Variants in SLC14A2 observed in about 807,000 individuals in gnomAD.
SLC14A2 encodes urea transporter 2.
In SLC14A2, 91 loss-of-function variants were observed where a neutral mutation model predicts 104.6. The observed-to-expected ratio is 0.87, with a 90% CI of 0.73 to 1.04. SLC14A2 has a LOEUF of 1.04. Among genes scored for constraint, SLC14A2 ranks in the 50% least tolerant of loss-of-function variants. The pLI, the probability that SLC14A2 is intolerant of heterozygous loss-of-function variation, is 0.00. For synonymous variants in SLC14A2, 476 were observed against 466.4 expected (o/e 1.02, Z -0.27); for missense variants, 1,189 against 1,156.0 (o/e 1.03, Z -0.41).
the SLC14A2 span, among the ~76,000 whole-genome samples, chr18:45,177,870 T>C: frequency 6.6e-6 from 1 of 152,172 alleles, no homozygotes; most frequent in East Asian, 1.9e-4. Context: ...TAAGCCGAAG[T>C]AAAGATTTTT....
chr18:45,646,349 A>G (rs2045627010), intron 10 of SLC14A2: 1 of 152,152 alleles, frequency 6.6e-6, no homozygotes, highest in African/African-American at 2.4e-5. Flanking sequence ...AAACCTCTAT[A>G]ATATTAGGAT....
In SLC14A2 at chr18:45,332,806, AT is replaced by A. The variant is rs1206522159; in HGVS notation, c.-125+119617del. ...GATTGAAATAAAAGTGCTGGCAACC[AT>A]TGGGGTGACACAATTTTGTACAAGG... is the stretch of plus-strand genomic sequence containing the variant. On this transcript the variant is annotated intron_variant, in intron 1 of 20. Coordinates refer to the SLC14A2 transcript ENST00000586448. Among the ~76,000 whole-genome samples the A allele has an allele frequency of 3.9e-5, 6 of 152,320 alleles. No individual in the cohort carries two copies. The South Asian group carries it at 1.0e-3, about 26-fold the overall frequency.
At chr18:45,479,244 C>G (rs2087446937) in intron 1 of SLC14A2, among the ~76,000 whole-genome samples, 2 of 152,242 alleles carry the variant, frequency 1.3e-5, no homozygotes. Context: ...TCCCAATTTT[C>G]CTCCCCTAAA....
intron 10 of SLC14A2, among the ~76,000 whole-genome samples, chr18:45,660,154 G>A (rs960823297): frequency 1.3e-5 from 2 of 151,966 alleles, no homozygotes; most frequent in Admixed American, 1.3e-4. Flanking sequence ...AAAATGCATA[G>A]GATAATTATC....
At chr18:45,385,068 G>A (rs1024925420) in intron 1 of SLC14A2, among the ~76,000 whole-genome samples, 4 of 152,238 alleles carry the variant, frequency 2.6e-5, no homozygotes, top group Non-Finnish European at 5.9e-5. Context: ...CCTCCTCAGA[G>A]ATGAAAAGGG....
At chr18:45,251,270 A>G (rs1052417820) in intron 1 of SLC14A2, among the ~76,000 whole-genome samples, 6 of 152,214 alleles carry the variant, frequency 3.9e-5, no homozygotes, top group African/African-American at 2.4e-5. Context: ...GAGTGAGAAC[A>G]TACTATGTTT....
At chr18:45,208,090 T>C (rs1368405049), upstream of SLC14A2, among the ~76,000 whole-genome samples, 1 of 152,138 alleles carries the variant, frequency 6.6e-6, no homozygotes, top group Non-Finnish European at 1.5e-5. Context: ...CCATTGAGGC[T>C]TCTGCAGTTA....
chr18:45,354,402 G>C (rs1317013447), intron 1 of SLC14A2, among the ~76,000 whole-genome samples: 2 of 152,194 alleles, frequency 1.3e-5, no homozygotes, highest in Non-Finnish European at 2.9e-5. Context: ...AGCAGGGGTG[G>C]CTGTGACCCA....
At chr18:45,178,534 T>G in the SLC14A2 span, among the ~76,000 whole-genome samples, 1 of 151,900 alleles carries the variant, frequency 6.6e-6, no homozygotes, top group Non-Finnish European at 1.5e-5. Flanking sequence ...TACCTCTGAG[T>G]AGAAAAAATA....
At chr18:45,531,688 G>T (rs1428222878) in intron 2 of SLC14A2, among the ~76,000 whole-genome samples, 1 of 152,140 alleles carries the variant, frequency 6.6e-6, no homozygotes, top group Non-Finnish European at 1.5e-5. Flanking sequence ...TTGCTGTACA[G>T]AAGCTCTTTA....
chr18:45,334,056 T>G (rs144839694), intron 1 of SLC14A2, among the ~76,000 whole-genome samples: 1 of 152,222 alleles, frequency 6.6e-6, no homozygotes, highest in Non-Finnish European at 1.5e-5. Context: ...ATTTCTGGCA[T>G]CCTATTTGTT....
chr18:45,413,125 G>C (rs1224658208), intron 1 of SLC14A2, among the ~76,000 whole-genome samples: 1 of 152,160 alleles, frequency 6.6e-6, no homozygotes, highest in South Asian at 2.1e-4. Flanking sequence ...AGAAGCTTAT[G>C]GTCCAGGAGG....
chr18:45,291,780 C>T (rs994153478), intron 1 of SLC14A2, among the ~76,000 whole-genome samples: 6 of 150,972 alleles, frequency 4.0e-5, no homozygotes, highest in South Asian at 2.1e-4. Context: ...GTCACGGTGA[C>T]GAATCAATCG....
At chr18:45,273,560 G>C (rs563913941) in intron 1 of SLC14A2, among the ~76,000 whole-genome samples, 1 of 152,072 alleles carries the variant, frequency 6.6e-6, no homozygotes, top group Admixed American at 6.6e-5. Context: ...CTCTAGACTT[G>C]ACTTTTTTCT....
intron 1 of SLC14A2, among the ~76,000 whole-genome samples, chr18:45,258,550 T>G (rs1281101479): frequency 1.4e-5 from 2 of 143,554 alleles, no homozygotes; most frequent in African/African-American, 5.5e-5. Context: ...GGTACTTTTG[T>G]CTTCTCAACT....
intron 2 of SLC14A2, among the ~76,000 whole-genome samples, chr18:45,510,988 A>T (rs991826656): frequency 6.6e-6 from 1 of 152,212 alleles, no homozygotes; most frequent in Non-Finnish European, 1.5e-5. Flanking sequence ...AATCCAAGAG[A>T]GTCCTCTGCA....
intron 1 of SLC14A2, among the ~76,000 whole-genome samples, chr18:45,337,671 A>G (rs1453469916): frequency 6.6e-6 from 1 of 152,214 alleles, no homozygotes; most frequent in South Asian, 2.1e-4. Flanking sequence ...CATGATCTCT[A>G]TAAATAAAAT....
intron 2 of SLC14A2, among the ~76,000 whole-genome samples, chr18:45,547,304 A>T (rs1163296524): frequency 6.6e-6 from 1 of 152,046 alleles, no homozygotes; most frequent in African/African-American, 2.4e-5. Flanking sequence ...CTCAGGGAAA[A>T]TTTTTTCAGG....
In SLC14A2 at chr18:45,576,266, CA is replaced by C. The variant is rs1362676940; in HGVS notation, c.-34-48364del. 1.8e-4 allele frequency among the ~76,000 whole-genome samples: 23 copies of C among 126,100 alleles called. No homozygotes were observed. In the East Asian group the frequency reaches 5.0e-3, roughly 27 times the overall value. 82.7% of individuals were successfully genotyped at this position (126,100 alleles called of 152,430 possible). ...GTGTTTGGAGAGAAGGTGGCTGGAGCAGGGGCTTTTTTTTTTTTTTTTTTTT... is the reference window on the plus strand; with the variant it reads ...GTGTTTGGAGAGAAGGTGGCTGGAGCGGGGCTTTTTTTTTTTTTTTTTTTT... On this transcript the variant is annotated intron_variant, in intron 2 of 20. Transcript: ENST00000586448.
Sources: gnomAD v4.1 joint callset for allele counts (sites outside exome capture counted in the v4.1 genomes callset) on GRCh38, gnomAD v4.1.1 for gene constraint, MANE v1.5 for transcripts, NCBI Gene and HGNC (gene_info 2026-07-23, HGNC 2026-07-21) for gene names.